Variants in LDLRAD3 observed in about 807,000 individuals in gnomAD.
LDLRAD3 encodes low density lipoprotein receptor class A domain containing 3.
A neutral mutation model predicts 29.4 loss-of-function variants in LDLRAD3; 20 were observed. That is an observed-to-expected ratio of 0.68 (90% confidence interval 0.48 to 0.99). The LOEUF (loss-of-function observed/expected upper bound fraction) is 0.99, where lower values mean the gene tolerates loss of function less well. LDLRAD3 is among the 50% of genes least tolerant of loss of function. The probability of loss-of-function intolerance (pLI) is 0.00; values close to 1 mark genes in which losing one functional copy is unlikely to be tolerated. For missense variants in LDLRAD3, 420 were observed against 454.3 expected (o/e 0.92, Z 0.69); for synonymous variants, 157 against 192.7 (o/e 0.81, Z 1.53).
intron 2 of LDLRAD3, among the ~76,000 whole-genome samples, chr11:36,040,883 G>C (rs1190392825): frequency 6.6e-6 from 1 of 151,996 alleles, no homozygotes; most frequent in Non-Finnish European, 1.5e-5. Context: ...TAATTGAAAA[G>C]TTACTTTTTT....
At chr11:36,121,036 A>G (rs12272573) in intron 4 of LDLRAD3, among the ~76,000 whole-genome samples, 2,107 of 152,226 alleles carry the variant, frequency 0.014, 42 homozygotes, top group African/African-American at 0.047. Context: ...CACCTGGTCC[A>G]TGGTATTTTG....
intron 1 of LDLRAD3, among the ~76,000 whole-genome samples, chr11:35,954,418 G>T (rs552915664): frequency 2.0e-5 from 3 of 152,288 alleles, no homozygotes; most frequent in South Asian, 2.1e-4. Context: ...GGAGTCTATT[G>T]TGTTTTTGAT....
At chr11:36,134,273 T>A (rs1853972719) in intron 4 of LDLRAD3, among the ~76,000 whole-genome samples, 1 of 152,188 alleles carries the variant, frequency 6.6e-6, no homozygotes, top group African/African-American at 2.4e-5. Flanking sequence ...AATTTTAAGA[T>A]GTGTAAAGTG....
chr11:36,089,337 C>A (rs1388986597), intron 3 of LDLRAD3, among the ~76,000 whole-genome samples: 1 of 152,156 alleles, frequency 6.6e-6, no homozygotes, highest in African/African-American at 2.4e-5. Context: ...CATACTCACA[C>A]ACTTAGTAAG....
At chr11:36,193,860 G>A (rs1047285173) in intron 4 of LDLRAD3, among the ~76,000 whole-genome samples, 1 of 152,028 alleles carries the variant, frequency 6.6e-6, no homozygotes, top group African/African-American at 2.4e-5. Flanking sequence ...GACAGATTTG[G>A]ATTCAGATCT....
At chr11:36,021,190 C>T (rs536784712) in intron 1 of LDLRAD3, among the ~76,000 whole-genome samples, 162 of 152,150 alleles carry the variant, frequency 1.1e-3, no homozygotes, top group Non-Finnish European at 1.8e-3. Context: ...TGGAGGATGT[C>T]GTTGAAGGGA....
intron 2 of LDLRAD3, among the ~76,000 whole-genome samples, chr11:36,070,263 T>C (rs1176882176): frequency 6.6e-6 from 1 of 152,238 alleles, no homozygotes; most frequent in East Asian, 1.9e-4. Flanking sequence ...CAGGTAAATG[T>C]AAATCCTTAC....
intron 4 of LDLRAD3, among the ~76,000 whole-genome samples, chr11:36,207,655 G>T (rs191198069): frequency 6.6e-6 from 1 of 152,082 alleles, no homozygotes; most frequent in African/African-American, 2.4e-5. Context: ...CTATTGAAGG[G>T]CTTGTATCCA....
intron 1 of LDLRAD3, among the ~76,000 whole-genome samples, chr11:36,026,020 T>C (rs1014701424): frequency 6.6e-6 from 1 of 151,770 alleles, no homozygotes; most frequent in Non-Finnish European, 1.5e-5. Flanking sequence ...CCTTAGATGA[T>C]CTGCCCGCCT....
intron 2 of LDLRAD3, among the ~76,000 whole-genome samples, chr11:36,076,523 C>T (rs887764772): frequency 1.7e-4 from 26 of 152,136 alleles, no homozygotes; most frequent in African/African-American, 6.3e-4. Context: ...GTGGCTGGGA[C>T]TACAGGTGCC....
At chr11:36,167,450 A>T (rs1353858985) in intron 4 of LDLRAD3, among the ~76,000 whole-genome samples, 2 of 152,130 alleles carry the variant, frequency 1.3e-5, no homozygotes, top group Non-Finnish European at 2.9e-5. Flanking sequence ...GTGGGCCCTA[A>T]ATCCAATATG....
rs1855545030 is a variant in LDLRAD3 at position 36,229,361 on chromosome 11, G to T, written c.1002G>T (p.Arg334Ser). ...CCCAGGAGGGCACTGCTGAGCCCAG[G>T]GACTCTGAGCCCAGCCAGGGCACTG... The part of the protein sequence containing the change: ...PGPQEGTAEP[R>S]DSEPSQGTEE... The change falls in exon 6 of 6, where the codon AGG becomes AGT. Residue 334 changes from arginine (R) to serine (S), a missense_variant. Arg to Ser is a moderately radical substitution (Grantham distance 110). Around this residue, in one of 3 missense-constraint regions of LDLRAD3, gnomAD observed 140 missense variants for 139.9 expected, o/e 1.00. Coordinates refer to ENST00000315571, the MANE Select transcript of LDLRAD3 (RefSeq NM_174902.4). 4 of 1,613,612 alleles carry T rather than the reference G, an allele frequency of 2.5e-6. No homozygotes were observed. Among genetic ancestry groups the T allele is most frequent in the Non-Finnish European group, 2.5e-6 (3 of 1,179,698 alleles).
chr11:36,044,541 C>T (rs1026563668), intron 2 of LDLRAD3, among the ~76,000 whole-genome samples: 1 of 152,232 alleles, frequency 6.6e-6, no homozygotes, highest in Non-Finnish European at 1.5e-5. Flanking sequence ...CTTCCCACGC[C>T]CGGTCTTTTC....
intron 4 of LDLRAD3, among the ~76,000 whole-genome samples, chr11:36,209,263 C>G (rs1042759476): frequency 1.3e-5 from 2 of 151,536 alleles, no homozygotes; most frequent in African/African-American, 4.9e-5. Context: ...TACAGTTGTT[C>G]CAAGGTTAAC....
chr11:35,985,778 C>T (rs1051173250), intron 1 of LDLRAD3, among the ~76,000 whole-genome samples: 1 of 152,028 alleles, frequency 6.6e-6, no homozygotes, highest in South Asian at 2.1e-4. Flanking sequence ...GCCTTTGCTC[C>T]TCCTTCACCT....
At chr11:36,104,463 T>C (rs1853497330) in intron 4 of LDLRAD3, among the ~76,000 whole-genome samples, 2 of 152,182 alleles carry the variant, frequency 1.3e-5, no homozygotes. Context: ...ACTGACATAC[T>C]GAATACTTCT....
chr11:36,209,874 A>T (rs1855260675), intron 4 of LDLRAD3, among the ~76,000 whole-genome samples: 1 of 152,232 alleles, frequency 6.6e-6, no homozygotes, highest in South Asian at 2.1e-4. Context: ...ATATGTGCTA[A>T]TATATGCCTG....
chr11:36,223,912 AG>A (rs1397825413), intron 4 of LDLRAD3, among the ~76,000 whole-genome samples: 2 of 151,626 alleles, frequency 1.3e-5, no homozygotes, highest in African/African-American at 4.8e-5. Context: ...AGTGTTCATT[AG>A]TGAGGGATGA....
intron 2 of LDLRAD3, among the ~76,000 whole-genome samples, chr11:36,043,389 C>A (rs963523031): frequency 2.6e-5 from 4 of 152,198 alleles, no homozygotes; most frequent in African/African-American, 9.7e-5. Context: ...CTGCAGACAT[C>A]CTGCTTTCAT....
Sources: gnomAD v4.1 joint callset for allele counts (sites outside exome capture counted in the v4.1 genomes callset) on GRCh38, gnomAD v4.1.1 for gene constraint, gnomAD v4.1.1 regional missense constraint, MANE v1.5 for transcripts, NCBI Gene and HGNC (gene_info 2026-07-23, HGNC 2026-07-21) for gene names.